TENM3: variants seen among roughly 807,000 people sequenced by gnomAD.
The protein encoded by TENM3 is teneurin transmembrane protein 3, also known as teneurin-3.
TENM3 carries 63 observed loss-of-function variants against 255.1 expected under a neutral mutation model. That is an observed-to-expected ratio of 0.25 (90% CI 0.20 to 0.30). TENM3 has a LOEUF of 0.30. Among genes scored for constraint, TENM3 ranks in the 10% least tolerant of loss-of-function variants. The pLI, the probability that TENM3 is intolerant of heterozygous loss-of-function variation, is 1.00. For synonymous variants in TENM3, 1,306 were observed against 1,322.3 expected (o/e 0.99, Z 0.27); for missense variants, 2,929 against 3,461.1 (o/e 0.85, Z 3.86).
At chr4:182,258,380 A>T (rs1247940598) in intron 1 of TENM3, among the ~76,000 whole-genome samples, 7 of 152,216 alleles carry the variant, frequency 4.6e-5, no homozygotes, top group Admixed American at 2.0e-4. Flanking sequence ...GAGAATACTC[A>T]GGGAGAAAAG....
chr4:182,053,869 C>T, the TENM3 span, among the ~76,000 whole-genome samples: 1 of 152,062 alleles, frequency 6.6e-6, no homozygotes, highest in South Asian at 2.1e-4. Context: ...ATCCCAGGCC[C>T]CTGACAGCTC....
the TENM3 span, among the ~76,000 whole-genome samples, chr4:181,923,712 T>C: frequency 6.6e-6 from 1 of 152,002 alleles, no homozygotes; most frequent in Non-Finnish European, 1.5e-5. Context: ...TGTGAGTGAG[T>C]GGTTCAAAAG....
the TENM3 span, among the ~76,000 whole-genome samples, chr4:181,587,260 C>T: frequency 2.6e-5 from 4 of 152,172 alleles, no homozygotes; most frequent in Admixed American, 6.5e-5. Context: ...TCATTCAGTG[C>T]CAGGCATGAT....
At chr4:182,124,121 G>A in the TENM3 span, among the ~76,000 whole-genome samples, 3 of 152,072 alleles carry the variant, frequency 2.0e-5, no homozygotes, top group Non-Finnish European at 4.4e-5. Flanking sequence ...GCGTGATCTC[G>A]GTGCACTGCA....
chr4:181,815,110 T>A, the TENM3 span, among the ~76,000 whole-genome samples: 1 of 152,032 alleles, frequency 6.6e-6, no homozygotes, highest in Admixed American at 6.6e-5. Flanking sequence ...AGAGATTGGT[T>A]TAAAATCATG....
chr4:182,375,916 A>G (rs1308192436), intron 3 of TENM3, among the ~76,000 whole-genome samples: 2 of 152,156 alleles, frequency 1.3e-5, no homozygotes, highest in Non-Finnish European at 2.9e-5. Context: ...GACTTCCATG[A>G]CATAGTGTTT....
intron 3 of TENM3, among the ~76,000 whole-genome samples, chr4:182,490,486 C>T (rs989607462): frequency 3.3e-5 from 5 of 152,124 alleles, no homozygotes; most frequent in South Asian, 2.1e-4. Context: ...CTCTGCTGGG[C>T]GTTGTGAGTC....
At chr4:181,558,101 T>C in the TENM3 span, among the ~76,000 whole-genome samples, 1 of 152,206 alleles carries the variant, frequency 6.6e-6, no homozygotes, top group Non-Finnish European at 1.5e-5. Context: ...GATTTGATTT[T>C]TGATGCCTGA....
At chr4:182,389,737 G>A (rs577347027) in intron 3 of TENM3, among the ~76,000 whole-genome samples, 2 of 146,024 alleles carry the variant, frequency 1.4e-5, no homozygotes, top group East Asian at 4.0e-4. Context: ...CCAGGCTGGA[G>A]TGCAGTGGCG....
At chr4:182,264,928 G>GA (rs1554040690) in intron 1 of TENM3, among the ~76,000 whole-genome samples, 4 of 150,654 alleles carry the variant, frequency 2.7e-5, no homozygotes, top group Admixed American at 6.6e-5. Context: ...CTGAAAAATG[G>GA]TTTTTTTTTC....
intron 1 of TENM3, among the ~76,000 whole-genome samples, chr4:182,185,687 T>C (rs1038627387): frequency 1.3e-5 from 2 of 152,186 alleles, no homozygotes; most frequent in Non-Finnish European, 2.9e-5. Flanking sequence ...GGTCCCACCA[T>C]TCAGAGCCAG....
the TENM3 span, among the ~76,000 whole-genome samples, chr4:181,521,323 T>A: frequency 6.6e-6 from 1 of 152,232 alleles, no homozygotes; most frequent in Admixed American, 6.5e-5. Context: ...TGAGCAAAAA[T>A]AACTCTTACC....
Position 182,408,049 on chromosome 4 carries a change from G to T in TENM3, c.511+61120G>T, listed in dbSNP as rs545283384. On this transcript the variant is annotated intron_variant, in intron 3 of 27. Transcript: ENST00000511685. Reference sequence around the variant, plus strand: ...ACCTGTCATTTCTTTCTTTAGTCCTGACTTACTCTTACTACAAGCCATCCA... The same window carrying T: ...ACCTGTCATTTCTTTCTTTAGTCCTTACTTACTCTTACTACAAGCCATCCA... 2.0e-5 allele frequency among the ~76,000 whole-genome samples: 3 copies of T among 152,210 alleles called. No homozygotes were observed. In the East Asian group the frequency reaches 5.8e-4, roughly 29 times the overall value.
At chr4:181,937,436 T>A in the TENM3 span, among the ~76,000 whole-genome samples, 1 of 152,226 alleles carries the variant, frequency 6.6e-6, no homozygotes, top group Non-Finnish European at 1.5e-5. Flanking sequence ...GGGCAGGGCA[T>A]CTAGGCTGAT....
intron 3 of TENM3, among the ~76,000 whole-genome samples, chr4:182,460,744 A>G (rs574386028): frequency 6.6e-6 from 1 of 152,310 alleles, no homozygotes; most frequent in East Asian, 1.9e-4. Context: ...GTTATTAACT[A>G]GTATTGCACT....
the TENM3 span, among the ~76,000 whole-genome samples, chr4:181,666,392 T>C: frequency 6.6e-6 from 1 of 152,220 alleles, no homozygotes; most frequent in Non-Finnish European, 1.5e-5. Flanking sequence ...GATTCAGAAC[T>C]GTTCAACCTC....
intron 5 of TENM3, among the ~76,000 whole-genome samples, chr4:182,650,853 C>T (rs1018054800): frequency 1.4e-5 from 2 of 146,986 alleles, no homozygotes; most frequent in African/African-American, 2.5e-5. Context: ...GTAGAACCAG[C>T]ATCTCACTTT....
At chr4:181,888,562 ATATATG>A in the TENM3 span, among the ~76,000 whole-genome samples, 1 of 89,024 alleles carries the variant, frequency 1.1e-5, no homozygotes, top group African/African-American at 4.3e-5. Context: ...ATATATATAC[ATATATG>A]TATATATATA....
the TENM3 span, among the ~76,000 whole-genome samples, chr4:181,803,325 T>G: frequency 2.0e-4 from 31 of 152,232 alleles, no homozygotes; most frequent in African/African-American, 7.2e-4. Flanking sequence ...CTTCCTCACA[T>G]ACATTTATAT....
Sources: allele counts gnomAD v4.1 joint callset (sites outside exome capture counted in the v4.1 genomes callset), GRCh38; gene constraint gnomAD v4.1.1; transcripts MANE v1.5; gene names NCBI Gene and HGNC (gene_info 2026-07-23, HGNC 2026-07-21).